DSCAML1: variants seen among roughly 807,000 people sequenced by gnomAD.
The protein encoded by DSCAML1 is cell adhesion molecule DSCAML1.
DSCAML1 carries 38 observed loss-of-function variants against 200.5 expected under a neutral mutation model. The observed-to-expected ratio is 0.19, with a 90% CI of 0.15 to 0.25. The LOEUF (loss-of-function observed/expected upper bound fraction) is 0.25. Among genes scored for constraint, DSCAML1 ranks in the 10% least tolerant of loss-of-function variants. DSCAML1 has a pLI of 1.00. For missense variants in DSCAML1, 2,223 were observed against 2,858.8 expected (o/e 0.78, Z 5.07); for synonymous variants, 1,215 against 1,165.0 (o/e 1.04, Z -0.87).
intron 3 of DSCAML1, among the ~76,000 whole-genome samples, chr11:117,543,448 CTGGCA>C (rs1284424266): frequency 6.6e-6 from 1 of 151,832 alleles, no homozygotes; most frequent in Non-Finnish European, 1.5e-5. Context: ...TGTACCTGCA[CTGGCA>C]TGTGTACCTG....
chr11:117,458,049 T>C (rs1488696110), intron 19 of DSCAML1, among the ~76,000 whole-genome samples: 1 of 151,260 alleles, frequency 6.6e-6, no homozygotes, highest in Non-Finnish European at 1.5e-5. Flanking sequence ...CCCAGAGCTG[T>C]GTGCTGTTCA....
chr11:117,482,171 C>T lies in DSCAML1; in HGVS notation c.2360-9G>A, dbSNP rs748042439. ...AGTGATCATGGCCGGGACTGGGGGG[C>T]GGAGGCAGAGAAGGCCCAGTGAAGG... On this transcript the variant is annotated splice_polypyrimidine_tract_variant and intron_variant, in intron 11 of 32. Transcript: ENST00000651296. 16 of 1,613,666 alleles carry T rather than the reference C, an allele frequency of 9.9e-6. No individual in the cohort carries two copies. Among genetic ancestry groups the T allele is most frequent in the East Asian group, 2.2e-5 (1 of 44,888 alleles).
In DSCAML1 at chr11:117,498,811, A is replaced by G. The variant is rs936825689; in HGVS notation, c.2359+5034T>C. Among the ~76,000 whole-genome samples, 1 of 152,166 alleles carries G rather than the reference A, an allele frequency of 6.6e-6. No individual in the cohort carries two copies. Among genetic ancestry groups the G allele is most frequent in the Non-Finnish European group, 1.5e-5 (1 of 68,026 alleles). ...AGCTGGGTGTGTGCTCGCTGAGGGC[A>G]CTGGGACCTTATTTTAATTGGTCTG... is the stretch of plus-strand genomic sequence containing the variant. On this transcript the variant is annotated intron_variant, in intron 11 of 32. Transcript: ENST00000651296. The surrounding 1 kb of genome is among the most constrained non-coding windows in gnomAD (Gnocchi z 4.0).
At chr11:117,796,062 G>C (rs1354163975) in intron 1 of DSCAML1, among the ~76,000 whole-genome samples, 1 of 152,260 alleles carries the variant, frequency 6.6e-6, no homozygotes, top group East Asian at 1.9e-4. Flanking sequence ...CACGTCCTCT[G>C]CGATAGCCTG....
In DSCAML1 at chr11:117,509,188, C is replaced by T. The variant is rs371493530; in HGVS notation, c.1784-3456G>A. ...GAGCTCAAGCAGAGGGCGATGCCAT[C>T]GGCTGGGGGTGACTGCAGCTTCATG... is the stretch of plus-strand genomic sequence containing the variant. On this transcript the variant is annotated intron_variant, in intron 8 of 32. Transcript: ENST00000651296. Among the ~76,000 whole-genome samples, 18 of 152,080 alleles carry T rather than the reference C, an allele frequency of 1.2e-4. No homozygotes were observed. In the East Asian group the frequency reaches 2.5e-3, roughly 21 times the overall value.
At chr11:117,706,023 C>T (rs1201296382) in intron 3 of DSCAML1, among the ~76,000 whole-genome samples, 1 of 152,214 alleles carries the variant, frequency 6.6e-6, no homozygotes, top group Non-Finnish European at 1.5e-5. Context: ...CATTCCATTC[C>T]TCTGTCCGAG....
chr11:117,746,285 T>C (rs985302830), intron 3 of DSCAML1, among the ~76,000 whole-genome samples: 8 of 151,740 alleles, frequency 5.3e-5, no homozygotes, highest in Non-Finnish European at 2.9e-5. Context: ...ATTTTTATTA[T>C]TATAATCCAG....
intron 20 of DSCAML1, among the ~76,000 whole-genome samples, chr11:117,445,924 G>A (rs117195665): frequency 7.9e-5 from 12 of 152,096 alleles, no homozygotes; most frequent in Admixed American, 4.6e-4. Context: ...TGGATCAAAG[G>A]TTTTTGAAAA....
At chr11:117,429,435 G>A (rs886902973) in intron 32 of DSCAML1, among the ~76,000 whole-genome samples, 6 of 152,076 alleles carry the variant, frequency 3.9e-5, no homozygotes, top group South Asian at 2.1e-4. Context: ...ACGGAGTCTC[G>A]CTCTGTCATC....
At chr11:117,534,622 A>G (rs2050134994) in intron 3 of DSCAML1, among the ~76,000 whole-genome samples, 2 of 152,182 alleles carry the variant, frequency 1.3e-5, no homozygotes, top group Admixed American at 6.5e-5. Flanking sequence ...CATTTTATAT[A>G]TTTTTTGAGA....
At chr11:117,594,456 G>A (rs774721575) in intron 3 of DSCAML1, among the ~76,000 whole-genome samples, 18 of 152,174 alleles carry the variant, frequency 1.2e-4, no homozygotes, top group Non-Finnish European at 1.8e-4. Context: ...CATCAGATCC[G>A]CTGATGCTCT....
chr11:117,539,718 G>C (rs2050233121), intron 3 of DSCAML1, among the ~76,000 whole-genome samples: 1 of 151,244 alleles, frequency 6.6e-6, no homozygotes, highest in Non-Finnish European at 1.5e-5. Flanking sequence ...GTAGTGTGAT[G>C]GTTCCCCCCA....
At chr11:117,707,034 G>A (rs1455074604) in intron 3 of DSCAML1, among the ~76,000 whole-genome samples, 2 of 152,172 alleles carry the variant, frequency 1.3e-5, no homozygotes, top group Non-Finnish European at 2.9e-5. Context: ...AGTTCCCTTC[G>A]TACTCTGGGA....
At chr11:117,646,643 C>T (rs543536196) in intron 3 of DSCAML1, among the ~76,000 whole-genome samples, 1 of 152,300 alleles carries the variant, frequency 6.6e-6, no homozygotes, top group South Asian at 2.1e-4. Context: ...CATTTCTTCC[C>T]AATCCCATGG....
At chr11:117,801,576 T>C (rs1026954277), upstream of DSCAML1, 4 of 152,254 alleles carry the variant, frequency 2.6e-5, no homozygotes, top group South Asian at 8.3e-4. Context: ...TAGACTGTGA[T>C]GCCTATATAT....
chr11:117,749,019 T>C (rs139248407), intron 3 of DSCAML1, among the ~76,000 whole-genome samples: 46 of 152,318 alleles, frequency 3.0e-4, no homozygotes, highest in African/African-American at 1.1e-3. Flanking sequence ...ACACGTGCCT[T>C]GCCTGGCTTT....
chr11:117,441,415 T>C (rs1050055282), intron 21 of DSCAML1, among the ~76,000 whole-genome samples: 4 of 152,084 alleles, frequency 2.6e-5, no homozygotes, highest in Non-Finnish European at 4.4e-5. Context: ...GGATGCAGAC[T>C]GACAGGGAAG....
intron 11 of DSCAML1, among the ~76,000 whole-genome samples, chr11:117,499,683 A>G (rs965103231): frequency 1.3e-5 from 2 of 152,228 alleles, no homozygotes; most frequent in African/African-American, 2.4e-5. Context: ...AAAATGCTGT[A>G]CATGCAGGCG....
At chr11:117,633,713 A>T (rs939982530) in intron 3 of DSCAML1, among the ~76,000 whole-genome samples, 18 of 152,166 alleles carry the variant, frequency 1.2e-4, no homozygotes, top group African/African-American at 4.1e-4. Flanking sequence ...CCTCCTTGGG[A>T]TTGAAGGGTA....
Sources: gnomAD v4.1 joint callset for allele counts (sites outside exome capture counted in the v4.1 genomes callset) on GRCh38, gnomAD v4.1.1 for gene constraint, Gnocchi (gnomAD v3.1) non-coding constraint, MANE v1.5 for transcripts, NCBI Gene and HGNC (gene_info 2026-07-23, HGNC 2026-07-21) for gene names.